OLA1: variants seen among roughly 807,000 people sequenced by gnomAD.
OLA1 encodes the protein Obg like ATPase 1.
OLA1 carries 14 observed loss-of-function variants against 48.4 expected under a neutral mutation model. The ratio of observed to expected loss-of-function variants is 0.29; its 90% confidence interval spans 0.19 to 0.45. The LOEUF (loss-of-function observed/expected upper bound fraction) is 0.45, where lower values mean the gene tolerates loss of function less well. Ranked by LOEUF, OLA1 falls within the 20% of genes least tolerant of loss-of-function variation. OLA1 has a pLI of 1.00. For synonymous variants in OLA1, 127 were observed against 150.4 expected, an observed-to-expected ratio of 0.84 and a Z score of 1.14; for missense variants, 325 against 467.1, an observed-to-expected ratio of 0.70 and a Z score of 2.80.
chr2:174,177,462 T>A lies in OLA1; in HGVS notation c.374-35462A>T, dbSNP rs571434004. Among the ~76,000 whole-genome samples, 29 of 152,238 alleles carry A rather than the reference T, an allele frequency of 1.9e-4. 1 individual carries two copies. The highest frequency in any genetic ancestry group is 7.0e-4 in the African/African-American group (29 of 41,564). ...CATCAAAATGCTTATTTTAACTGCA[T>A]GAAAGTCTTTCAACAGGCAATGAAA... On this transcript the variant is annotated intron_variant, in intron 4 of 10. Coordinates refer to ENST00000284719, the MANE Select transcript of OLA1 (RefSeq NM_013341.5).
At position 174,081,261 on chromosome 2, in the gene OLA1, G is replaced by A. The variant is rs752652555; in HGVS notation, c.870-13C>T. ...CTTTGGCAAAGCACTGAAATCAAAT[G>A]AAACAAATTCACCCAACACATAAGT... On this transcript the variant is annotated splice_polypyrimidine_tract_variant and intron_variant, in intron 8 of 10. Transcript: ENST00000284719. The A allele has an allele frequency of 1.2e-5, 19 of 1,599,720 alleles. No homozygotes were observed. The highest frequency in any genetic ancestry group is 1.4e-5 in the Non-Finnish European group (16 of 1,169,434).
At chr2:174,153,524 T>C (rs1421383068) in intron 4 of OLA1, among the ~76,000 whole-genome samples, 7 of 151,748 alleles carry the variant, frequency 4.6e-5, no homozygotes, top group Non-Finnish European at 7.4e-5. Context: ...CATTACAATA[T>C]TATACAGTGT....
intron 4 of OLA1, among the ~76,000 whole-genome samples, chr2:174,217,022 C>T (rs75975018): frequency 0.047 from 7,181 of 152,176 alleles, 594 homozygotes; most frequent in African/African-American, 0.16. Context: ...ATCCGAATTT[C>T]AACTGTGCAA....
At position 174,142,011 on chromosome 2, in the gene OLA1, T is replaced by G. The variant is rs1479234876; in HGVS notation, c.374-11A>C. 1.2e-6 allele frequency: 2 copies of G among 1,611,560 alleles called. No individual in the cohort carries two copies. The highest frequency in any genetic ancestry group is 3.3e-5 in the Admixed American group (2 of 59,906). ...CATCTTCAAAAGCACCTAAAATGAA[T>G]TAAAGGGAAGCAATTCAATAAACAA... On this transcript the variant is annotated splice_polypyrimidine_tract_variant and intron_variant, in intron 4 of 10. Coordinates refer to ENST00000284719, the MANE Select transcript of OLA1 (RefSeq NM_013341.5).
intron 7 of OLA1, among the ~76,000 whole-genome samples, chr2:174,105,131 A>C (rs1389987323): frequency 6.6e-6 from 1 of 151,970 alleles, no homozygotes; most frequent in Admixed American, 6.6e-5. Context: ...TAAAAAGCTC[A>C]AACAAAACTT....
chr2:174,186,788 A>T (rs1463276255), intron 4 of OLA1, among the ~76,000 whole-genome samples: 1 of 152,180 alleles, frequency 6.6e-6, no homozygotes, highest in Admixed American at 6.5e-5. Context: ...GTTTATGTTT[A>T]TCTATAGCAC....
chr2:174,168,525 A>T (rs1387045638), intron 4 of OLA1, among the ~76,000 whole-genome samples: 1 of 152,202 alleles, frequency 6.6e-6, no homozygotes, highest in Non-Finnish European at 1.5e-5. Context: ...ATCAGAAAAC[A>T]AGTGAGATTG....
intron 2 of OLA1, among the ~76,000 whole-genome samples, chr2:174,239,138 T>C (rs1395051056): frequency 6.6e-6 from 1 of 152,192 alleles, no homozygotes; most frequent in African/African-American, 2.4e-5. Context: ...TAAGGGATAT[T>C]TTTTAATCAC....
chr2:174,172,489 C>G, intron 4 of OLA1: 1 of 157,456 alleles, frequency 6.4e-6, no homozygotes. Context: ...TGCGGAGACC[C>G]TATATGCGGG....
intron 4 of OLA1, among the ~76,000 whole-genome samples, chr2:174,220,817 A>G (rs1306178912): frequency 4.6e-5 from 7 of 152,232 alleles, no homozygotes; most frequent in African/African-American, 1.7e-4. Context: ...ATATTAATAA[A>G]TTAAAATTCA....
chr2:174,242,865 G>C (rs1559022955), intron 2 of OLA1, among the ~76,000 whole-genome samples: 1 of 152,286 alleles, frequency 6.6e-6, no homozygotes, highest in African/African-American at 2.4e-5. Context: ...GTAAGAAAAA[G>C]CAGTACAGAA....
At chr2:174,140,995 G>A (rs533860573) in intron 5 of OLA1, among the ~76,000 whole-genome samples, 3 of 152,180 alleles carry the variant, frequency 2.0e-5, no homozygotes, top group East Asian at 3.9e-4. Context: ...GCAATGGCAC[G>A]ATCTTGGCTC....
At chr2:174,211,204 C>G (rs1688235445) in intron 4 of OLA1, among the ~76,000 whole-genome samples, 3 of 150,906 alleles carry the variant, frequency 2.0e-5, no homozygotes, top group East Asian at 3.9e-4. Context: ...CACACACACA[C>G]ACTCTCTCTC....
intron 4 of OLA1, among the ~76,000 whole-genome samples, chr2:174,173,330 G>GT (rs1687349578): frequency 9.4e-6 from 1 of 105,898 alleles, no homozygotes; most frequent in South Asian, 4.2e-4. Context: ...TTAAGTACTT[G>GT]CTTTCGTCGA....
At chr2:174,146,300 T>C (rs993142982) in intron 4 of OLA1, among the ~76,000 whole-genome samples, 5 of 152,140 alleles carry the variant, frequency 3.3e-5, no homozygotes, top group Non-Finnish European at 5.9e-5. Context: ...AAGATAAGAC[T>C]TATGATTTAA....
intron 4 of OLA1, among the ~76,000 whole-genome samples, chr2:174,201,087 T>G (rs1436789382): frequency 6.6e-6 from 1 of 152,190 alleles, no homozygotes; most frequent in Non-Finnish European, 1.5e-5. Context: ...CTAGAAATGC[T>G]TGTCGGCATC....
chr2:174,236,823 T>C (rs1688861476), intron 2 of OLA1, among the ~76,000 whole-genome samples: 1 of 152,090 alleles, frequency 6.6e-6, no homozygotes, highest in South Asian at 2.1e-4. Context: ...TAAAAATACA[T>C]ATAAAAGTGA....
chr2:174,171,492 G>C (rs180836996), intron 4 of OLA1, among the ~76,000 whole-genome samples: 1 of 151,998 alleles, frequency 6.6e-6, no homozygotes, highest in African/African-American at 2.4e-5. Flanking sequence ...CAAATACTTG[G>C]AAATACACAA....
intron 4 of OLA1, among the ~76,000 whole-genome samples, chr2:174,184,452 A>C (rs1454448490): frequency 1.3e-5 from 2 of 152,242 alleles, no homozygotes. Context: ...TGAACAGTGA[A>C]GTATGTCAAG....
Sources: gnomAD v4.1 joint callset for allele counts (sites outside exome capture counted in the v4.1 genomes callset) on GRCh38, gnomAD v4.1.1 for gene constraint, MANE v1.5 for transcripts, NCBI Gene and HGNC (gene_info 2026-07-23, HGNC 2026-07-21) for gene names.